SYTL3: variants seen among roughly 807,000 people sequenced by gnomAD.
SYTL3 encodes the protein synaptotagmin like 3.
SYTL3 carries 88 observed loss-of-function variants against 82.1 expected under a neutral mutation model. The observed-to-expected ratio is 1.07, with a 90% CI of 0.90 to 1.28. The LOEUF (loss-of-function observed/expected upper bound fraction) is 1.28, where lower values mean the gene tolerates loss of function less well. Ranked by LOEUF, SYTL3 falls within the 50% of genes most tolerant of loss-of-function variation. The pLI, the probability that SYTL3 is intolerant of heterozygous loss-of-function variation, is 0.00. For synonymous variants in SYTL3, 311 were observed against 289.4 expected (o/e 1.07, Z -0.76); for missense variants, 831 against 757.6 (o/e 1.10, Z -1.14).
intron 12 of SYTL3, among the ~76,000 whole-genome samples, chr6:158,751,151 C>A (rs1788336392): frequency 1.3e-5 from 2 of 152,044 alleles, no homozygotes; most frequent in South Asian, 4.1e-4. Context: ...GAAGAAGAGA[C>A]CCAAGACTGG....
At chr6:158,655,392 C>T (rs1788561119) in intron 2 of SYTL3, among the ~76,000 whole-genome samples, 1 of 152,184 alleles carries the variant, frequency 6.6e-6, no homozygotes, top group Non-Finnish European at 1.5e-5. Flanking sequence ...TCAAGCCAAA[C>T]ATCAAGTGCC....
intron 2 of SYTL3, among the ~76,000 whole-genome samples, chr6:158,658,145 G>C (rs949554576): frequency 6.6e-6 from 1 of 152,312 alleles, no homozygotes; most frequent in African/African-American, 2.4e-5. Flanking sequence ...GCCTGCCTCA[G>C]CCTCCCAAAG....
chr6:158,719,327 G>T (rs1415586230), intron 10 of SYTL3, among the ~76,000 whole-genome samples: 1 of 152,170 alleles, frequency 6.6e-6, no homozygotes, highest in Non-Finnish European at 1.5e-5. Context: ...CCTGCCAAAG[G>T]TTGTATAGCC....
chr6:158,763,404 G>GT lies in SYTL3; in HGVS notation c.1619dup (p.Thr541AsnfsTer73). ...GAAACACTCATTTGTCTTCAGTGGC[G>GT]TAACCCCAGCTCAGCTGAGGCAGTC... On this transcript the variant is annotated frameshift_variant, in exon 17 of 18. Coordinates refer to ENST00000611299, the MANE Select transcript of SYTL3 (RefSeq NM_001242394.2). LOFTEE classifies it high-confidence loss of function. The GT allele has an allele frequency of 1.2e-6, 2 of 1,614,200 alleles. No homozygotes were observed. Among genetic ancestry groups the GT allele is most frequent in the Middle Eastern group, 1.6e-4 (1 of 6,062 alleles).
At chr6:158,753,729 C>CAAAAAA (rs11419212) in intron 13 of SYTL3, among the ~76,000 whole-genome samples, 1 of 109,750 alleles carries the variant, frequency 9.1e-6, no homozygotes, top group African/African-American at 3.3e-5. Context: ...GACTCCGTCT[C>CAAAAAA]AAAAAAAAAA....
intron 13 of SYTL3, among the ~76,000 whole-genome samples, chr6:158,755,717 A>G (rs972081350): frequency 1.1e-4 from 16 of 152,186 alleles, no homozygotes; most frequent in African/African-American, 2.4e-5. Flanking sequence ...ATGAACCCCA[A>G]AGCAAACAAA....
At chr6:158,736,078 C>T (rs1786112364) in intron 11 of SYTL3, among the ~76,000 whole-genome samples, 1 of 152,344 alleles carries the variant, frequency 6.6e-6, no homozygotes, top group East Asian at 1.9e-4. Flanking sequence ...AACGGCCGGG[C>T]GCGGTGTCTC....
intron 6 of SYTL3, 80 bp downstream of exon 6, chr6:158,683,069 A>G: frequency 9.5e-7 from 1 of 1,052,854 alleles, no homozygotes; most frequent in Non-Finnish European, 1.4e-6. Context: ...ACTTTGGAAT[A>G]TAAGCAACAT....
Position 158,663,203 on chromosome 6 carries a change from A to G in SYTL3, c.-66A>G. ...CAGCTGGCCTCCGCCGCTCATCTGC[A>G]GGGCGTGAGCGCTTGGTCCATGCAG... On this transcript the variant is annotated 5_prime_UTR_variant, in exon 4 of 18. Transcript: ENST00000611299. The G allele has an allele frequency of 6.9e-7, 1 of 1,451,224 alleles. No individual in the cohort carries two copies. The highest frequency in any genetic ancestry group is 2.3e-5 in the East Asian group (1 of 43,686). The allele number at this position is 1,451,224 out of a possible 1,614,324, so 89.9% of individuals were successfully genotyped here. A position where few individuals can be genotyped will look rare whatever the true frequency, so the allele number is the denominator to read the frequency against.
At position 158,718,219 on chromosome 6, in the gene SYTL3, G is replaced by A. The variant is rs1383413629; in HGVS notation, c.720+8G>A. 11 of 1,521,898 alleles carry A rather than the reference G, an allele frequency of 7.2e-6. No individual in the cohort carries two copies. Among genetic ancestry groups the A allele is most frequent in the Middle Eastern group, 3.4e-4 (2 of 5,820 alleles). 94.3% of individuals were successfully genotyped at this position (1,521,898 alleles called of 1,614,324 possible). A position where few individuals can be genotyped will look rare whatever the true frequency, so the allele number is the denominator to read the frequency against. On this transcript the variant is annotated splice_region_variant and intron_variant, in intron 10 of 17. Transcript: ENST00000611299. ...GTCAACGTCACCACCAGGGTACCCTGAGCCCCACAAGGCCTCCACGCTGAT... is the reference window on the plus strand; with the variant it reads ...GTCAACGTCACCACCAGGGTACCCTAAGCCCCACAAGGCCTCCACGCTGAT...
chr6:158,668,848 G>A (rs183112889), intron 5 of SYTL3, among the ~76,000 whole-genome samples: 25 of 152,264 alleles, frequency 1.6e-4, no homozygotes, highest in African/African-American at 6.0e-4. Context: ...AGGTCGCTTG[G>A]CATGCTGAAC....
chr6:158,660,548 G>A lies in SYTL3; in HGVS notation c.-636-721G>A, dbSNP rs188192964. On this transcript the variant is annotated intron_variant, in intron 2 of 17. Coordinates refer to ENST00000611299, the MANE Select transcript of SYTL3 (RefSeq NM_001242394.2). ...ATTGAACCCTGTATTTCTGAAGTGC[G>A]TTAAGACCTAATAGCCACCTGTATG... 7.2e-5 allele frequency among the ~76,000 whole-genome samples: 11 copies of A among 152,286 alleles called. No individual in the cohort carries two copies. In the East Asian group the frequency reaches 1.2e-3, roughly 16 times the overall value.
At chr6:158,758,121 G>T (rs985066205) in intron 14 of SYTL3, among the ~76,000 whole-genome samples, 1 of 152,156 alleles carries the variant, frequency 6.6e-6, no homozygotes, top group Non-Finnish European at 1.5e-5. Flanking sequence ...GATGAAAAAC[G>T]TGGGCTTCTG....
At chr6:158,717,799 G>T (rs945266567) in intron 9 of SYTL3, among the ~76,000 whole-genome samples, 2 of 152,148 alleles carry the variant, frequency 1.3e-5, no homozygotes, top group African/African-American at 4.8e-5. Flanking sequence ...AGGAGCTTGG[G>T]TGGATGATTT....
rs578231359 is a variant in SYTL3, at chr6:158,708,306, G to T, written c.447-16G>T. The stretch of plus-strand genomic sequence containing the variant: ...GGTTCACAACCCATTTCTTATGCCT[G>T]TGTTTTCCTTGGCAGCAAAATTTCT... On this transcript the variant is annotated splice_polypyrimidine_tract_variant and intron_variant, in intron 7 of 17. Coordinates refer to ENST00000611299, the MANE Select transcript of SYTL3 (RefSeq NM_001242394.2). 4.3e-6 allele frequency: 7 copies of T among 1,610,798 alleles called. No individual in the cohort carries two copies. In the South Asian group the frequency reaches 6.6e-5, roughly 15 times the overall value.
chr6:158,755,475 G>A (rs2128537036), intron 13 of SYTL3, among the ~76,000 whole-genome samples: 1 of 152,344 alleles, frequency 6.6e-6, no homozygotes, highest in Middle Eastern at 3.4e-3. Flanking sequence ...GGAGGAAAAG[G>A]AGGAATGAAC....
At chr6:158,706,818 C>T (rs558694516) in intron 6 of SYTL3, among the ~76,000 whole-genome samples, 5 of 152,290 alleles carry the variant, frequency 3.3e-5, no homozygotes, top group African/African-American at 1.2e-4. Flanking sequence ...ATCTTCATCA[C>T]AAGGCAAGCT....
At chr6:158,654,841 G>T (rs555347934) in intron 2 of SYTL3, among the ~76,000 whole-genome samples, 1 of 152,176 alleles carries the variant, frequency 6.6e-6, no homozygotes, top group South Asian at 2.1e-4. Context: ...CCACATGGCT[G>T]TAGGAGAATG....
intron 12 of SYTL3, among the ~76,000 whole-genome samples, chr6:158,749,458 TAATA>T: frequency 6.9e-6 from 1 of 145,942 alleles, no homozygotes; most frequent in Admixed American, 6.8e-5. Context: ...AACTTTGTGC[TAATA>T]AATTTAACAG....
Sources: allele counts gnomAD v4.1 joint callset (sites outside exome capture counted in the v4.1 genomes callset), GRCh38; gene constraint gnomAD v4.1.1; transcripts MANE v1.5; gene names NCBI Gene and HGNC (gene_info 2026-07-23, HGNC 2026-07-21).